The following DOCK10 variants were observed in gnomAD, a reference collection of about 807,000 sequenced individuals.
The protein encoded by DOCK10 is dedicator of cytokinesis protein 10.
DOCK10 carries 145 observed loss-of-function variants against 280.1 expected under a neutral mutation model. That is an observed-to-expected ratio of 0.52 (90% CI 0.45 to 0.59). The LOEUF (loss-of-function observed/expected upper bound fraction) is 0.59, where lower values mean the gene tolerates loss of function less well. Ranked by LOEUF, DOCK10 falls within the 20% of genes least tolerant of loss-of-function variation. DOCK10 has a pLI of 0.00. For missense variants in DOCK10, 2,368 were observed against 2,651.7 expected (o/e 0.89, Z 2.35); for synonymous variants, 915 against 942.2 (o/e 0.97, Z 0.53).
chr2:224,961,446 C>CTT (rs1356371703), intron 1 of DOCK10, among the ~76,000 whole-genome samples: 17 of 130,640 alleles, frequency 1.3e-4, no homozygotes, highest in Non-Finnish European at 2.5e-4. Flanking sequence ...TTCTTTCTTT[C>CTT]TTTCTTTCTT....
At chr2:224,947,036 C>A in intron 1 of DOCK10, 2 of 1,427,390 alleles carry the variant, frequency 1.4e-6, no homozygotes, top group Non-Finnish European at 1.8e-6. Flanking sequence ...CCAGGCTGAA[C>A]AAATCTTTCT....
At chr2:224,843,615 T>A (rs1377955070) in intron 22 of DOCK10, among the ~76,000 whole-genome samples, 2 of 152,170 alleles carry the variant, frequency 1.3e-5, no homozygotes, top group Non-Finnish European at 2.9e-5. Context: ...ATTTTTCTTA[T>A]GGATCAAGTA....
At chr2:224,780,868 C>T (rs1691279602) in intron 50 of DOCK10, among the ~76,000 whole-genome samples, 1 of 151,580 alleles carries the variant, frequency 6.6e-6, no homozygotes, top group South Asian at 2.1e-4. Context: ...CCACTGCACT[C>T]CAGCCTGGGT....
chr2:224,930,624 G>A (rs1702305190), intron 2 of DOCK10, among the ~76,000 whole-genome samples: 1 of 151,856 alleles, frequency 6.6e-6, no homozygotes, highest in South Asian at 2.1e-4. Context: ...CTCAAAGTAA[G>A]AGAGAAAATG....
chr2:224,972,652 TTCTC>T lies in DOCK10; in HGVS notation c.124-40988_124-40985del, dbSNP rs536148355. Among the ~76,000 whole-genome samples the T allele has an allele frequency of 1.8e-4, 27 of 152,344 alleles. No homozygotes were observed. The South Asian group carries it at 5.6e-3, about 32-fold the overall frequency. On this transcript the variant is annotated intron_variant, in intron 1 of 55. Coordinates refer to ENST00000258390, the MANE Select transcript of DOCK10 (RefSeq NM_014689.3). ...TTGTACCTACTGAACTTAAAATGCA[TTCTC>T]TCTCACCTGATTTTCGACTTTTCTT...
At chr2:224,807,163 C>T (rs1693444612) in intron 33 of DOCK10, 1 of 152,810 alleles carries the variant, frequency 6.5e-6, no homozygotes, top group Non-Finnish European at 1.5e-5. Flanking sequence ...TAATACCTTC[C>T]TTAGATACTG....
At chr2:224,971,950 T>C (rs2126211716) in intron 1 of DOCK10, among the ~76,000 whole-genome samples, 1 of 152,314 alleles carries the variant, frequency 6.6e-6, no homozygotes, top group South Asian at 2.1e-4. Flanking sequence ...AAAGAAAATA[T>C]ATTATTAAAA....
chr2:224,822,400 A>C (rs1694559571), intron 28 of DOCK10, among the ~76,000 whole-genome samples: 1 of 152,104 alleles, frequency 6.6e-6, no homozygotes, highest in Non-Finnish European at 1.5e-5. Flanking sequence ...TTACTTGATA[A>C]TTTTTCTTTC....
chr2:224,811,849 C>T (rs1309668889), intron 31 of DOCK10, among the ~76,000 whole-genome samples: 8 of 151,546 alleles, frequency 5.3e-5, no homozygotes, highest in African/African-American at 1.7e-4. Context: ...ATCTATATCT[C>T]TGTTTTGGTA....
chr2:224,838,144 G>A (rs1254511386), intron 24 of DOCK10, among the ~76,000 whole-genome samples: 2 of 152,156 alleles, frequency 1.3e-5, no homozygotes, highest in Non-Finnish European at 2.9e-5. Context: ...ATTATGGTCT[G>A]TGCGTTTTTG....
At chr2:224,769,677 C>T (rs761094920) in intron 55 of DOCK10, among the ~76,000 whole-genome samples, 3 of 152,194 alleles carry the variant, frequency 2.0e-5, no homozygotes, top group Admixed American at 6.5e-5. Context: ...ACATCCCAGA[C>T]GTCACGGATG....
chr2:224,855,101 A>ACG lies in DOCK10; in HGVS notation c.1809-60_1809-59insCG, dbSNP rs1697034789. The ACG allele has an allele frequency of 5.1e-5, 62 of 1,213,498 alleles. No individual in the cohort carries two copies. In the South Asian group the frequency reaches 8.5e-4, roughly 17 times the overall value. 75.2% of individuals were successfully genotyped at this position (1,213,498 alleles called of 1,614,324 possible). ...CACACACACACACACACACACACAC[A>ACG]GAGTATTATTCCAATTTTCAAGGAA... On this transcript the variant is annotated intron_variant, in intron 15 of 55. Transcript: ENST00000258390.
In DOCK10 at chr2:225,024,729, A is replaced by C. The variant is rs1490405087; in HGVS notation, c.123+17523T>G. On this transcript the variant is annotated intron_variant, in intron 1 of 55. Transcript: ENST00000258390. ...AAACCCCATTTCTACTAAAAATACA[A>C]AAAAAAAAAAATTTAGCCGGGCATA... Among the ~76,000 whole-genome samples the C allele has an allele frequency of 2.7e-5, 4 of 149,544 alleles. No individual in the cohort carries two copies. In the East Asian group the frequency reaches 5.9e-4, roughly 22 times the overall value.
At chr2:224,809,592 A>G (rs1379842468) in intron 31 of DOCK10, among the ~76,000 whole-genome samples, 2 of 152,200 alleles carry the variant, frequency 1.3e-5, no homozygotes, top group African/African-American at 4.8e-5. Context: ...CAAATGGCCA[A>G]AAGATATAGA....
chr2:224,991,420 T>A (rs541648436), intron 1 of DOCK10, among the ~76,000 whole-genome samples: 1 of 152,338 alleles, frequency 6.6e-6, no homozygotes, highest in Admixed American at 6.5e-5. Context: ...TACAAAACAC[T>A]GGCATAAATA....
Position 224,795,148 on chromosome 2 carries a change from T to G in DOCK10, c.4939-54A>C. 4 of 1,505,308 alleles carry G rather than the reference T, an allele frequency of 2.7e-6. No homozygotes were observed. In the South Asian group the frequency reaches 4.6e-5, roughly 17 times the overall value. 93.2% of individuals were successfully genotyped at this position (1,505,308 alleles called of 1,614,324 possible). ...ATCTGTTTAGAATCTATAGGTTAAC[T>G]GACTTTAAGTTATGCTATTAATTAT... On this transcript the variant is annotated intron_variant, in intron 44 of 55. Transcript: ENST00000258390.
At position 224,769,479 on chromosome 2, in the gene DOCK10, A is replaced by G. The variant is rs1415754359; in HGVS notation, c.6444+732T>C. ...TCTGCTCCTCAGTTTTTCTGTAGAGAACACATCTAACTCCTGGAGGGGAGC... is the reference window on the plus strand; with the variant it reads ...TCTGCTCCTCAGTTTTTCTGTAGAGGACACATCTAACTCCTGGAGGGGAGC... On this transcript the variant is annotated intron_variant, in intron 55 of 55. Transcript: ENST00000258390. Among the ~76,000 whole-genome samples the G allele has an allele frequency of 2.0e-5, 3 of 152,204 alleles. No homozygotes were observed. In the East Asian group the frequency reaches 5.8e-4, roughly 29 times the overall value.
chr2:224,793,367 A>T (rs1692338414), intron 46 of DOCK10, 33 bp downstream of exon 46: 2 of 1,568,500 alleles, frequency 1.3e-6, no homozygotes, highest in Non-Finnish European at 1.7e-6. Context: ...GTTGATATCT[A>T]GGCTTTTTGC....
intron 1 of DOCK10, among the ~76,000 whole-genome samples, chr2:225,007,905 A>G (rs1389762485): frequency 2.6e-5 from 4 of 152,212 alleles, no homozygotes; most frequent in Non-Finnish European, 5.9e-5. Flanking sequence ...AATTGTGAGC[A>G]TGATCAGGGA....
Sources: allele counts gnomAD v4.1 joint callset (sites outside exome capture counted in the v4.1 genomes callset), GRCh38; gene constraint gnomAD v4.1.1; transcripts MANE v1.5; gene names NCBI Gene and HGNC (gene_info 2026-07-23, HGNC 2026-07-21).